UNC5C: variants seen among roughly 807,000 people sequenced by gnomAD.
UNC5C encodes unc-5 netrin receptor C.
A neutral mutation model predicts 99.8 loss-of-function variants in UNC5C; 47 were observed. That is an observed-to-expected ratio of 0.47 (90% confidence interval 0.37 to 0.60). UNC5C has a LOEUF of 0.60. UNC5C is among the 20% of genes least tolerant of loss of function. The pLI is 0.00. For missense variants in UNC5C, 1,062 were observed against 1,165.9 expected (o/e 0.91, Z 1.30); for synonymous variants, 487 against 452.2 (o/e 1.08, Z -0.98).
intron 14 of UNC5C, among the ~76,000 whole-genome samples, 160 bp downstream of exon 14, chr4:95,182,737 A>G (rs540013153): frequency 6.6e-6 from 1 of 152,238 alleles, no homozygotes; most frequent in South Asian, 2.1e-4. Context: ...GCTAGCTTCC[A>G]TTGCTCATTA....
chr4:95,297,689 GA>G, intron 3 of UNC5C, among the ~76,000 whole-genome samples: 1 of 152,310 alleles, frequency 6.6e-6, no homozygotes, highest in Non-Finnish European at 1.5e-5. Context: ...ACATTTGAAA[GA>G]AATCCTTGAT....
chr4:95,347,537 A>G (rs1743822140), intron 1 of UNC5C, among the ~76,000 whole-genome samples: 1 of 152,136 alleles, frequency 6.6e-6, no homozygotes, highest in African/African-American at 2.4e-5. Flanking sequence ...CCAAAACAGC[A>G]TGGTACTGAC....
chr4:95,421,619 T>TACAC (rs3069166), intron 1 of UNC5C, among the ~76,000 whole-genome samples: 1,721 of 149,478 alleles, frequency 0.012, 31 homozygotes, highest in East Asian at 0.067. Context: ...CACTCTCTTT[T>TACAC]ACACACACAC....
chr4:95,261,173 C>T (rs1180672942), intron 4 of UNC5C, among the ~76,000 whole-genome samples: 1 of 152,094 alleles, frequency 6.6e-6, no homozygotes, highest in Non-Finnish European at 1.5e-5. Context: ...GACACCAAGA[C>T]ACATACATTT....
At chr4:95,539,100 A>G (rs1234508671) in intron 1 of UNC5C, among the ~76,000 whole-genome samples, 1 of 152,204 alleles carries the variant, frequency 6.6e-6, no homozygotes, top group East Asian at 1.9e-4. Flanking sequence ...ATGAGAGGTC[A>G]CCTCATGTAG....
At chr4:95,187,324 A>G (rs1736870163) in intron 12 of UNC5C, among the ~76,000 whole-genome samples, 2 of 152,224 alleles carry the variant, frequency 1.3e-5, no homozygotes, top group Non-Finnish European at 2.9e-5. Context: ...TCTAAAGAGC[A>G]ATCGATAGTA....
intron 11 of UNC5C, 43 bp downstream of exon 11, chr4:95,206,585 T>C: frequency 6.2e-7 from 1 of 1,611,618 alleles, no homozygotes; most frequent in Non-Finnish European, 8.5e-7. Flanking sequence ...CTTATCTGCA[T>C]GGATTATTCT....
chr4:95,328,786 T>C (rs1579328739), intron 2 of UNC5C, among the ~76,000 whole-genome samples: 4 of 152,134 alleles, frequency 2.6e-5, no homozygotes, highest in African/African-American at 9.6e-5. Context: ...TATCTCATAG[T>C]GGTTTTGATT....
chr4:95,399,507 TCATGATGGCCTGAATCCC>T (rs1745624915), intron 1 of UNC5C, among the ~76,000 whole-genome samples: 1 of 152,222 alleles, frequency 6.6e-6, no homozygotes, highest in African/African-American at 2.4e-5. Flanking sequence ...TGTAAAATCC[TCATGATGGCCTGAATCCC>T]CTTCCTATCT....
chr4:95,281,010 C>G (rs1741037845), intron 3 of UNC5C, among the ~76,000 whole-genome samples: 1 of 152,076 alleles, frequency 6.6e-6, no homozygotes, highest in Non-Finnish European at 1.5e-5. Context: ...TGATGAAACA[C>G]CAGATACCAA....
rs1560850270 is a variant in UNC5C at position 95,481,529 on chromosome 4, CA to C, written c.124+67204del. Among the ~76,000 whole-genome samples the C allele has an allele frequency of 3.3e-5, 5 of 151,860 alleles. No individual in the cohort carries two copies. The South Asian group carries it at 1.0e-3, about 32-fold the overall frequency. ...AACTACTTTAAAGTTCATATGGAACCAAAAAAGAGCCCACATCGCCAAGTCA... is the reference window on the plus strand; with the variant it reads ...AACTACTTTAAAGTTCATATGGAACCAAAAAGAGCCCACATCGCCAAGTCA... On this transcript the variant is annotated intron_variant, in intron 1 of 15. Transcript: ENST00000453304.
At chr4:95,228,338 CTG>C (rs965292896) in intron 7 of UNC5C, among the ~76,000 whole-genome samples, 31 of 152,082 alleles carry the variant, frequency 2.0e-4, no homozygotes, top group African/African-American at 5.8e-4. Flanking sequence ...ATAATTCAAA[CTG>C]TTTTTATGCC....
chr4:95,452,388 G>A (rs532006436), intron 1 of UNC5C, among the ~76,000 whole-genome samples: 3 of 151,890 alleles, frequency 2.0e-5, no homozygotes, highest in East Asian at 3.9e-4. Context: ...CATTCTACAC[G>A]TCCAGAGGTG....
intron 1 of UNC5C, among the ~76,000 whole-genome samples, chr4:95,504,257 GC>G (rs1246652225): frequency 6.6e-6 from 1 of 151,950 alleles, no homozygotes; most frequent in Non-Finnish European, 1.5e-5. Flanking sequence ...TAGGGCTTCT[GC>G]CTCTTACTTA....
chr4:95,462,898 G>A (rs1307658885), intron 1 of UNC5C, among the ~76,000 whole-genome samples: 2 of 152,172 alleles, frequency 1.3e-5, no homozygotes, highest in African/African-American at 4.8e-5. Flanking sequence ...ACAGTTAGGG[G>A]TCATGAGGGG....
At chr4:95,483,123 C>A (rs185290208) in intron 1 of UNC5C, among the ~76,000 whole-genome samples, 1 of 151,070 alleles carries the variant, frequency 6.6e-6, no homozygotes, top group Non-Finnish European at 1.5e-5. Context: ...ATCGTATATG[C>A]CTGGGTTTTG....
At chr4:95,548,378 G>A (rs1723132659) in intron 1 of UNC5C, among the ~76,000 whole-genome samples, 4 of 151,914 alleles carry the variant, frequency 2.6e-5, no homozygotes, top group Admixed American at 2.6e-4. Context: ...CGCACCGAGA[G>A]TCTTTCCAAA....
chr4:95,461,870 T>C (rs538257134), intron 1 of UNC5C, among the ~76,000 whole-genome samples: 1 of 152,356 alleles, frequency 6.6e-6, no homozygotes, highest in Non-Finnish European at 1.5e-5. Flanking sequence ...ACCCAAGATA[T>C]TCTTTCATAT....
chr4:95,443,314 T>G (rs758945952), intron 1 of UNC5C, among the ~76,000 whole-genome samples: 2 of 152,158 alleles, frequency 1.3e-5, no homozygotes, highest in East Asian at 1.9e-4. Context: ...GAGGTCTTTG[T>G]GTATTTTTGT....
Sources: gnomAD v4.1 joint callset for allele counts (sites outside exome capture counted in the v4.1 genomes callset) on GRCh38, gnomAD v4.1.1 for gene constraint, MANE v1.5 for transcripts, NCBI Gene and HGNC (gene_info 2026-07-23, HGNC 2026-07-21) for gene names.